Variants in ARMC7 observed in about 807,000 individuals in gnomAD.
The protein encoded by ARMC7 is armadillo repeat containing 7.
ARMC7 carries 9 observed loss-of-function variants against 14.8 expected under a neutral mutation model. The observed-to-expected ratio is 0.61, with a 90% CI of 0.37 to 1.06. ARMC7 has a LOEUF of 1.06. Among genes scored for constraint, ARMC7 ranks in the 50% least tolerant of loss-of-function variants. The pLI, the probability that ARMC7 is intolerant of heterozygous loss-of-function variation, is 0.01. For missense variants in ARMC7, 262 were observed against 267.1 expected (o/e 0.98, Z 0.13); for synonymous variants, 125 against 123.4 (o/e 1.01, Z -0.09).
chr17:75,127,491 G>C (rs2074060412), intron 2 of ARMC7, among the ~76,000 whole-genome samples: 1 of 152,194 alleles, frequency 6.6e-6, no homozygotes, highest in African/African-American at 2.4e-5. Context: ...TAGAGACGGG[G>C]TTTCACCATG....
chr17:75,112,373 G>C (rs571692402), intron 2 of ARMC7, among the ~76,000 whole-genome samples: 3 of 152,034 alleles, frequency 2.0e-5, no homozygotes, highest in Non-Finnish European at 2.9e-5. Context: ...TGAGGCTGTC[G>C]TGTGCTGTGA....
chr17:75,126,586 TG>T (rs1206244532), intron 2 of ARMC7, among the ~76,000 whole-genome samples: 37 of 148,314 alleles, frequency 2.5e-4, no homozygotes, highest in Non-Finnish European at 3.7e-4. Context: ...TTTTTGTTTT[TG>T]TTTTTTTTTT....
In ARMC7 at chr17:75,128,930, C is replaced by T. The variant is rs1218556167; in HGVS notation, c.489C>T (p.Phe163=). The T allele has an allele frequency of 6.2e-7, 1 of 1,608,172 alleles. No homozygotes were observed. Among genetic ancestry groups the T allele is most frequent in the South Asian group, 1.1e-5 (1 of 90,986 alleles). The part of the protein sequence containing the change: ...SARLRNLAQI[F]LEDFCSPRQV... ...GGCTCCGGAACCTGGCACAGATCTT[C>T]CTGGAGGACTTCTGCTCCCCCCGCC... The change falls in exon 3 of 3, where the codon TTC becomes TTT. Residue 163 remains phenylalanine (F), a synonymous_variant. Transcript: ENST00000245543.
At position 75,116,233 on chromosome 17, in the gene ARMC7, C is replaced by T. The variant is rs539758840; in HGVS notation, c.235+5627C>T. Among the ~76,000 whole-genome samples the T allele has an allele frequency of 2.0e-5, 3 of 152,332 alleles. No individual in the cohort carries two copies. In the East Asian group the frequency reaches 5.8e-4, roughly 29 times the overall value. ...GCATGCCAGGCGCTTGCATCTTGTG[C>T]ATTGGACATAGTACTAAAGTAGATG... On this transcript the variant is annotated intron_variant, in intron 2 of 2. Coordinates refer to ENST00000245543, the MANE Select transcript of ARMC7 (RefSeq NM_024585.4).
intron 2 of ARMC7, among the ~76,000 whole-genome samples, chr17:75,118,307 T>C (rs1185250705): frequency 6.6e-6 from 1 of 152,178 alleles, no homozygotes; most frequent in African/African-American, 2.4e-5. Context: ...TTTTCCTTTA[T>C]TTCCATGCTT....
At chr17:75,110,929 G>T (rs1292820882) in intron 2 of ARMC7, among the ~76,000 whole-genome samples, 1 of 146,888 alleles carries the variant, frequency 6.8e-6, no homozygotes, top group Admixed American at 6.8e-5. Flanking sequence ...CCACAGCCTC[G>T]GGGACAAGAG....
At chr17:75,117,230 C>T (rs1375348657) in intron 2 of ARMC7, among the ~76,000 whole-genome samples, 1 of 152,158 alleles carries the variant, frequency 6.6e-6, no homozygotes, top group Non-Finnish European at 1.5e-5. Flanking sequence ...GCACCCGCCA[C>T]CACACCCAGC....
rs888494107 is a variant in ARMC7, at chr17:75,110,308, T to A, written c.20T>A (p.Val7Glu). The A allele has an allele frequency of 2.5e-6, 4 of 1,612,378 alleles. No homozygotes were observed. The African/African-American group carries it at 5.3e-5, about 22-fold the overall frequency. Residue 7 changes from valine to glutamate, a missense_variant, in exon 1 of 3, where the codon GTG becomes GAG. Transcript: ENST00000245543. ...GCGGCCATGGCCCAGAAGCCGAAGG[T>A]GGACCCCCACGTCGGGCGGCTGGGA... The part of the protein sequence containing the change: MAQKPK[V>E]DPHVGRLGYL...
chr17:75,126,186 C>T (rs574603036), intron 2 of ARMC7, among the ~76,000 whole-genome samples: 2 of 152,280 alleles, frequency 1.3e-5, no homozygotes, highest in East Asian at 3.9e-4. Flanking sequence ...ACCGTGATGA[C>T]AGGAAGCTCA....
intron 2 of ARMC7, among the ~76,000 whole-genome samples, chr17:75,117,118 CCAGGTTGGAGTG>C (rs1401756191): frequency 1.8e-4 from 27 of 152,272 alleles, no homozygotes; most frequent in Admixed American, 7.9e-4. Flanking sequence ...ACTCCGTTGC[CCAGGTTGGAGTG>C]CAATGGTGCA....
At chr17:75,119,466 T>TTTTA (rs2073997235) in intron 2 of ARMC7, among the ~76,000 whole-genome samples, 2 of 150,594 alleles carry the variant, frequency 1.3e-5, no homozygotes, top group Admixed American at 6.6e-5. Flanking sequence ...TTTTTTTTTT[T>TTTTA]GAGACGGAGT....
Position 75,129,751 on chromosome 17 carries a change from C to CG in ARMC7, c.*715dup, listed in dbSNP as rs1213515800. Reference sequence around the variant, plus strand: ...CAAGGCCATGCAGGTGATGATACGTCGGAATAGAGGCACCAGCCCTGGTAA... The same window carrying CG: ...CAAGGCCATGCAGGTGATGATACGTCGGGAATAGAGGCACCAGCCCTGGTAA... On this transcript the variant is annotated 3_prime_UTR_variant, in exon 3 of 3. Transcript: ENST00000245543. 1 of 152,498 alleles carries CG rather than the reference C, an allele frequency of 6.6e-6. No homozygotes were observed. The highest frequency in any genetic ancestry group is 1.5e-5 in the Non-Finnish European group (1 of 68,290). 9.4% of individuals were successfully genotyped at this position (152,498 alleles called of 1,614,324 possible).
rs147369402 is a variant in ARMC7, at chr17:75,125,031, G to C, written c.236-3646G>C. On this transcript the variant is annotated intron_variant, in intron 2 of 2. Coordinates refer to ENST00000245543, the MANE Select transcript of ARMC7 (RefSeq NM_024585.4). The stretch of plus-strand genomic sequence containing the variant: ...GTGGGACTGGCAAGGGAGGCTCCAA[G>C]GGCCCCATGGGGAGAGGCGCTCAGT... Among the ~76,000 whole-genome samples the C allele has an allele frequency of 9.7e-4, 148 of 152,340 alleles. 2 individuals are homozygous for C. The highest frequency in any genetic ancestry group is 3.5e-3 in the African/African-American group (146 of 41,576).
chr17:75,126,370 T>A (rs1040782047), intron 2 of ARMC7, among the ~76,000 whole-genome samples: 1 of 152,150 alleles, frequency 6.6e-6, no homozygotes, highest in Non-Finnish European at 1.5e-5. Context: ...AGTTCTTTGA[T>A]CCAGAACCAC....
At chr17:75,114,098 A>G in intron 2 of ARMC7, 1 of 401,158 alleles carries the variant, frequency 2.5e-6, no homozygotes, top group South Asian at 1.3e-4. Flanking sequence ...ATTATGCCAA[A>G]CAAATATTCT....
At chr17:75,117,833 T>C (rs1377095580) in intron 2 of ARMC7, among the ~76,000 whole-genome samples, 1 of 151,998 alleles carries the variant, frequency 6.6e-6, no homozygotes, top group Non-Finnish European at 1.5e-5. Context: ...TAAGATGTTA[T>C]CTTTAGGCCG....
chr17:75,128,951 C>T lies in ARMC7; in HGVS notation c.510C>T (p.Pro170=), dbSNP rs1424049758. The T allele has an allele frequency of 2.5e-6, 4 of 1,605,704 alleles. No homozygotes were observed. The highest frequency in any genetic ancestry group is 1.7e-5 in the Admixed American group (1 of 59,940). ...AQIFLEDFCS[P]RQVAEARSRQ... ...TCTTCCTGGAGGACTTCTGCTCCCC[C>T]CGCCAGGTGGCCGAGGCCCGCAGCC... is the stretch of plus-strand genomic sequence containing the variant. Residue 170 remains proline (P), a synonymous_variant, in exon 3 of 3, where the codon CCC becomes CCT. Coordinates refer to ENST00000245543, the MANE Select transcript of ARMC7 (RefSeq NM_024585.4).
intron 2 of ARMC7, among the ~76,000 whole-genome samples, chr17:75,113,808 A>G (rs1303567736): frequency 6.6e-6 from 1 of 152,228 alleles, no homozygotes; most frequent in Non-Finnish European, 1.5e-5. Context: ...ACACCCCCAC[A>G]GACAGCTGCC....
chr17:75,116,725 A>G lies in ARMC7; in HGVS notation c.235+6119A>G, dbSNP rs561273823. Among the ~76,000 whole-genome samples the G allele has an allele frequency of 5.3e-5, 8 of 152,328 alleles. No homozygotes were observed. The East Asian group carries it at 7.7e-4, about 15-fold the overall frequency. ...TTTTCCTGCCCTTAGAGGAGTTCCA[A>G]TTCCTAGGATTGTGGAGCGAAAGCG... On this transcript the variant is annotated intron_variant, in intron 2 of 2. Transcript: ENST00000245543.
Sources: gnomAD v4.1 joint callset for allele counts (sites outside exome capture counted in the v4.1 genomes callset) on GRCh38, gnomAD v4.1.1 for gene constraint, MANE v1.5 for transcripts, NCBI Gene and HGNC (gene_info 2026-07-23, HGNC 2026-07-21) for gene names.